The following HOMEZ variants were observed in gnomAD, a reference collection of about 807,000 sequenced individuals.
HOMEZ encodes the protein homeobox and leucine zipper encoding.
A neutral mutation model predicts 50.1 loss-of-function variants in HOMEZ; 20 were observed. That is an observed-to-expected ratio of 0.40 (90% confidence interval 0.28 to 0.58). HOMEZ has a LOEUF of 0.58. Among genes scored for constraint, HOMEZ ranks in the 20% least tolerant of loss-of-function variants. The pLI is 0.46. For missense variants in HOMEZ, 579 were observed against 680.5 expected (o/e 0.85, Z 1.66); for synonymous variants, 239 against 254.7 (o/e 0.94, Z 0.59).
In HOMEZ at chr14:23,272,472, TAA is replaced by T. The variant is rs1217471818; in HGVS notation, c.*3101_*3102del. The T allele has an allele frequency of 1.9e-5, 5 of 259,372 alleles. No individual in the cohort carries two copies. Among genetic ancestry groups the T allele is most frequent in the Non-Finnish European group, 3.8e-5 (5 of 133,312 alleles). The allele number at this position is 259,372 out of a possible 1,614,324, so 16.1% of individuals were successfully genotyped here. ...AACAACCGAAAATGTGAAAAAATTT[TAA>T]AGTTATTGAAGGAAATGCCACCTCC... is the stretch of plus-strand genomic sequence containing the variant. On this transcript the variant is annotated 3_prime_UTR_variant, in exon 2 of 2. Coordinates refer to ENST00000357460, the MANE Select transcript of HOMEZ (RefSeq NM_020834.3).
chr14:23,275,359 T>C lies in HOMEZ; in HGVS notation c.*216A>G, dbSNP rs184420769. 1.9e-5 allele frequency: 11 copies of C among 590,030 alleles called. No homozygotes were observed. In the Admixed American group the frequency reaches 3.7e-4, roughly 20 times the overall value. The allele number at this position is 590,030 out of a possible 1,614,324, so 36.5% of individuals were successfully genotyped here. ...ACTCCCTACCCTAAGGTTAGAGGGT[T>C]GGATTTCTGCTGATCCAATCCCAGC... On this transcript the variant is annotated 3_prime_UTR_variant, in exon 2 of 2. Coordinates refer to ENST00000357460, the MANE Select transcript of HOMEZ (RefSeq NM_020834.3).
chr14:23,284,326 A>G (rs11844128), intron 1 of HOMEZ, among the ~76,000 whole-genome samples: 3,452 of 152,318 alleles, frequency 0.023, 128 homozygotes, highest in African/African-American at 0.074. Flanking sequence ...TAGAAGGGAC[A>G]AAGTATTTGT....
At chr14:23,284,898 C>T (rs1246837100) in intron 1 of HOMEZ, 1 of 152,176 alleles carries the variant, frequency 6.6e-6, no homozygotes, top group Non-Finnish European at 1.5e-5. Flanking sequence ...CTAGAATTAC[C>T]TGGGAAGCTT....
intron 1 of HOMEZ, among the ~76,000 whole-genome samples, chr14:23,283,442 C>T (rs555497281): frequency 6.6e-6 from 1 of 152,266 alleles, no homozygotes; most frequent in Non-Finnish European, 1.5e-5. Context: ...GTATAACACC[C>T]TTCTTTCCCC....
chr14:23,276,621 C>T lies in HOMEZ; in HGVS notation c.607G>A (p.Glu203Lys), dbSNP rs1886368108. ...CCACTGCCAGGTGTCATCAGGGACT[C>T]CTTTAATTTCTGGTGACTCTGTGGC... ...PLPQSHQKLK[E>K]SLMTPGSGAF... The change falls in exon 2 of 2, where the codon GAG becomes AAG. Residue 203 changes from glutamate (E) to lysine (K), a missense_variant. Transcript: ENST00000357460. The surrounding 1 kb of genome is among the most constrained non-coding windows in gnomAD (Gnocchi z 4.1). 6.2e-7 allele frequency: 1 copy of T among 1,613,990 alleles called. No homozygotes were observed. Among genetic ancestry groups the T allele is most frequent in the Non-Finnish European group, 8.5e-7 (1 of 1,179,882 alleles).
At chr14:23,283,499 T>C (rs1886599968) in intron 1 of HOMEZ, among the ~76,000 whole-genome samples, 1 of 152,240 alleles carries the variant, frequency 6.6e-6, no homozygotes, top group Non-Finnish European at 1.5e-5. Flanking sequence ...GAACGGACTG[T>C]CTTAAACTTC....
intron 1 of HOMEZ, among the ~76,000 whole-genome samples, chr14:23,279,292 C>A (rs1886436633): frequency 6.6e-6 from 1 of 151,842 alleles, no homozygotes; most frequent in Non-Finnish European, 1.5e-5. Flanking sequence ...AAGGGTGCGC[C>A]CTCATAGATG....
chr14:23,273,842 T>C lies in HOMEZ; in HGVS notation c.*1733A>G, dbSNP rs191217424. On this transcript the variant is annotated 3_prime_UTR_variant, in exon 2 of 2. Transcript: ENST00000357460. The stretch of plus-strand genomic sequence containing the variant: ...TCTGTTACTCCTGAAGCCTCAGAAA[T>C]TTTAGTCATTATCATTTGATGGCTG... 2.0e-5 allele frequency: 3 copies of C among 152,556 alleles called. No homozygotes were observed. The highest frequency in any genetic ancestry group is 2.0e-4 in the Admixed American group (3 of 15,304). The allele number at this position is 152,556 out of a possible 1,614,324, so 9.5% of individuals were successfully genotyped here.
intron 1 of HOMEZ, chr14:23,285,037 AGAATTGGGAACTCT>A (rs1323640652): frequency 6.6e-6 from 1 of 152,234 alleles, no homozygotes; most frequent in African/African-American, 2.4e-5. Flanking sequence ...TACTGGAAAG[AGAATTGGGAACTCT>A]GAACAGCAGT....
At position 23,275,857 on chromosome 14, in the gene HOMEZ, A is replaced by G; in HGVS notation, c.1371T>C (p.Pro457=). 2 of 1,597,208 alleles carry G rather than the reference A, an allele frequency of 1.3e-6. No individual in the cohort carries two copies. The highest frequency in any genetic ancestry group is 1.7e-6 in the Non-Finnish European group (2 of 1,170,674). Residue 457 remains proline (P), a synonymous_variant, in exon 2 of 2, where the codon CCT becomes CCC. Transcript: ENST00000357460. ...ERAETPPLPI[P]PPPPDIQPLE... ...AGGGTTGTATATCCGGTGGGGGTGG[A>G]GGGATCGGCAGAGGTGGTGTCTCAG...
rs1215257415 is a variant in HOMEZ, at chr14:23,276,298, G to A, written c.930C>T (p.Gly310=). 4 of 1,613,834 alleles carry A rather than the reference G, an allele frequency of 2.5e-6. No individual in the cohort carries two copies. Among genetic ancestry groups the A allele is most frequent in the Non-Finnish European group, 3.4e-6 (4 of 1,179,850 alleles). Residue 310 remains glycine (G), a synonymous_variant, in exon 2 of 2, where the codon GGC becomes GGT. Coordinates refer to ENST00000357460, the MANE Select transcript of HOMEZ (RefSeq NM_020834.3). This position sits in a 1 kb window ranked among gnomAD's most constrained non-coding sequence, Gnocchi z 4.1. ...TAASKPLQPL[G]CVPQSVSPSE... The stretch of plus-strand genomic sequence containing the variant: ...TGGGTGACACTGACTGTGGGACACA[G>A]CCTAGTGGCTGGAGGGGTTTAGAGG...
chr14:23,277,068 C>A lies in HOMEZ; in HGVS notation c.160G>T (p.Val54Leu). 1 of 1,614,032 alleles carries A rather than the reference C, an allele frequency of 6.2e-7. No individual in the cohort carries two copies. The highest frequency in any genetic ancestry group is 8.5e-7 in the Non-Finnish European group (1 of 1,179,902). ...LPPISEELQLVWTQAAQTSEL... is the reference protein window; with the variant it reads ...LPPISEELQLLWTQAAQTSEL... ...CTGGTCTGGGCTGCTTGCGTCCACA[C>A]AAGCTGTAGCTCCTCAGAGATTGGA... Residue 54 changes from valine to leucine, a missense_variant, in exon 2 of 2, where the codon GTG becomes TTG. Physicochemically the swap from Val to Leu is conservative, Grantham distance 32. Transcript: ENST00000357460.
chr14:23,279,839 T>C (rs1271787568), intron 1 of HOMEZ, among the ~76,000 whole-genome samples: 1 of 152,152 alleles, frequency 6.6e-6, no homozygotes, highest in Non-Finnish European at 1.5e-5. Context: ...GTGCTATGCA[T>C]AGGTGCAATC....
At position 23,275,203 on chromosome 14, in the gene HOMEZ, C is replaced by T. The variant is rs866164481; in HGVS notation, c.*372G>A. 1.5e-5 allele frequency: 3 copies of T among 202,442 alleles called. No individual in the cohort carries two copies. The highest frequency in any genetic ancestry group is 4.6e-5 in the African/African-American group (2 of 43,052). The allele number at this position is 202,442 out of a possible 1,614,324, so 12.5% of individuals were successfully genotyped here. On this transcript the variant is annotated 3_prime_UTR_variant, in exon 2 of 2. Coordinates refer to ENST00000357460, the MANE Select transcript of HOMEZ (RefSeq NM_020834.3). Reference sequence around the variant, plus strand: ...ATCAATCAAATCAGAATCCTTTACTCCTCCTTTCCAATCCTCCTGGAGAGG... The same window carrying T: ...ATCAATCAAATCAGAATCCTTTACTTCTCCTTTCCAATCCTCCTGGAGAGG...
intron 1 of HOMEZ, among the ~76,000 whole-genome samples, chr14:23,281,237 T>A (rs770454095): frequency 4.6e-5 from 7 of 152,230 alleles, no homozygotes; most frequent in Non-Finnish European, 7.3e-5. Flanking sequence ...AGCATTTTAA[T>A]ACGTGTCACC....
At chr14:23,278,805 A>G (rs532422723) in intron 1 of HOMEZ, among the ~76,000 whole-genome samples, 2 of 152,210 alleles carry the variant, frequency 1.3e-5, no homozygotes, top group Admixed American at 1.3e-4. Context: ...CCTCCTGAAT[A>G]GCTGGGACTA....
intron 1 of HOMEZ, among the ~76,000 whole-genome samples, chr14:23,280,417 C>T (rs988337471): frequency 1.3e-5 from 2 of 152,058 alleles, no homozygotes; most frequent in Non-Finnish European, 2.9e-5. Context: ...ACTTTTCAGC[C>T]CAGCTTTCTC....
At chr14:23,285,755 A>C in intron 1 of HOMEZ, 158 bp downstream of exon 1, 2 of 428,124 alleles carry the variant, frequency 4.7e-6, no homozygotes, top group Non-Finnish European at 8.0e-6. Flanking sequence ...CCTAGTTACA[A>C]CAGGGGAGGG....
rs1886327056 is a variant in HOMEZ, at chr14:23,275,603, TCA to T, written c.1623_1624del (p.Asp541GlufsTer2). ...GTCTTGTATGATCACATCATCATCATCATCATCATCATCTTCCTCCTCCTCCT... is the reference window on the plus strand; with the variant it reads ...GTCTTGTATGATCACATCATCATCATTCATCATCATCTTCCTCCTCCTCCT... On this transcript the variant is annotated frameshift_variant, in exon 2 of 2. Coordinates refer to ENST00000357460, the MANE Select transcript of HOMEZ (RefSeq NM_020834.3). LOFTEE classifies it high-confidence loss of function. The T allele has an allele frequency of 1.3e-6, 2 of 1,536,960 alleles. No individual in the cohort carries two copies. The highest frequency in any genetic ancestry group is 1.8e-6 in the Non-Finnish European group (2 of 1,140,590).
Sources: gnomAD v4.1 joint callset for allele counts (sites outside exome capture counted in the v4.1 genomes callset) on GRCh38, gnomAD v4.1.1 for gene constraint, Gnocchi (gnomAD v3.1) non-coding constraint, MANE v1.5 for transcripts, NCBI Gene and HGNC (gene_info 2026-07-23, HGNC 2026-07-21) for gene names.